The following ACTR3C variants were observed in gnomAD, a reference collection of about 807,000 sequenced individuals.
The protein encoded by ACTR3C is actin related protein 3C.
ACTR3C carries 18 observed loss-of-function variants against 26.3 expected under a neutral mutation model. The ratio of observed to expected loss-of-function variants is 0.68; its 90% CI spans 0.47 to 1.01. The LOEUF (loss-of-function observed/expected upper bound fraction) is 1.01, where lower values mean the gene tolerates loss of function less well. Among genes scored for constraint, ACTR3C ranks in the 50% least tolerant of loss-of-function variants. The pLI, the probability that ACTR3C is intolerant of heterozygous loss-of-function variation, is 0.00. For missense variants in ACTR3C, 184 were observed against 250.7 expected (o/e 0.73, Z 1.80); for synonymous variants, 55 against 94.5 (o/e 0.58, Z 2.42).
chr7:150,125,280 A>G, the ACTR3C span, among the ~76,000 whole-genome samples: 5 of 150,284 alleles, frequency 3.3e-5, no homozygotes, highest in East Asian at 7.7e-4. Flanking sequence ...TAGAAAATAT[A>G]CCATAGTTTT....
At chr7:150,310,509 TC>T (rs1454928670) in intron 1 of ACTR3C, among the ~76,000 whole-genome samples, 2 of 144,286 alleles carry the variant, frequency 1.4e-5, no homozygotes, top group African/African-American at 5.9e-5. Context: ...AATCAAATTG[TC>T]CTTCCCAACC....
At chr7:150,173,305 A>G in the ACTR3C span, among the ~76,000 whole-genome samples, 2 of 146,498 alleles carry the variant, frequency 1.4e-5, no homozygotes, top group Non-Finnish European at 2.9e-5. Flanking sequence ...ACTATTGTGC[A>G]TTTGCCGGCT....
the ACTR3C span, among the ~76,000 whole-genome samples, chr7:150,031,630 G>A: frequency 9.9e-5 from 15 of 152,166 alleles, no homozygotes; most frequent in Non-Finnish European, 1.8e-4. Flanking sequence ...TAGGGGCTGA[G>A]TGACAGGCAG....
chr7:150,037,016 C>G, the ACTR3C span, among the ~76,000 whole-genome samples: 197 of 85,760 alleles, frequency 2.3e-3, 53 homozygotes, highest in South Asian at 0.017. Context: ...GATGGGGGTA[C>G]CAACAGCCAG....
chr7:150,048,562 G>C, the ACTR3C span, among the ~76,000 whole-genome samples: 1 of 152,052 alleles, frequency 6.6e-6, no homozygotes, highest in South Asian at 2.1e-4. Flanking sequence ...CGCAGCACGC[G>C]AGCGGACGGT....
intron 6 of ACTR3C, among the ~76,000 whole-genome samples, chr7:150,273,437 C>A (rs1439286289): frequency 1.3e-5 from 2 of 151,638 alleles, no homozygotes; most frequent in Admixed American, 1.3e-4. Context: ...TCCACCACAG[C>A]TGGCTAATTT....
downstream of ACTR3C, chr7:150,245,289 AGGT>A: frequency 1.3e-5 from 2 of 152,262 alleles, no homozygotes; most frequent in Admixed American, 1.3e-4. Context: ...TAGCCATGAT[AGGT>A]TATCTTACGC....
At chr7:150,070,052 G>A in the ACTR3C span, among the ~76,000 whole-genome samples, 12 of 152,220 alleles carry the variant, frequency 7.9e-5, no homozygotes, top group South Asian at 2.1e-4. Context: ...TCTGTCACGT[G>A]GAAGGCAAGC....
the ACTR3C span, among the ~76,000 whole-genome samples, chr7:150,204,526 C>T: frequency 6.6e-6 from 1 of 151,374 alleles, no homozygotes; most frequent in African/African-American, 2.4e-5. Context: ...TCTCCAAAAG[C>T]TCCCCATGAG....
chr7:150,106,158 G>A, the ACTR3C span, among the ~76,000 whole-genome samples: 1 of 151,868 alleles, frequency 6.6e-6, no homozygotes, highest in Non-Finnish European at 1.5e-5. Flanking sequence ...TAAATCCACT[G>A]TTGTTGAGAT....
At chr7:149,962,365 T>C in the ACTR3C span, among the ~76,000 whole-genome samples, 2 of 152,050 alleles carry the variant, frequency 1.3e-5, no homozygotes, top group East Asian at 1.9e-4. Flanking sequence ...GCAAGGCTTC[T>C]TGAGGAAGAA....
chr7:149,933,760 G>A, the ACTR3C span, among the ~76,000 whole-genome samples: 3 of 151,390 alleles, frequency 2.0e-5, no homozygotes, highest in African/African-American at 7.3e-5. Context: ...TCCACTCAAC[G>A]CTAGTCAGAC....
At chr7:150,164,975 C>T in the ACTR3C span, among the ~76,000 whole-genome samples, 1 of 152,184 alleles carries the variant, frequency 6.6e-6, no homozygotes, top group Non-Finnish European at 1.5e-5. Flanking sequence ...GGGGCCCCCT[C>T]TGTGGCGGAT....
downstream of ACTR3C, among the ~76,000 whole-genome samples, chr7:150,239,685 T>C (rs1832076435): frequency 6.7e-6 from 1 of 149,262 alleles, no homozygotes; most frequent in Non-Finnish European, 1.5e-5. Flanking sequence ...GTCTCCTTAA[T>C]GATTCTTCAA....
the ACTR3C span, among the ~76,000 whole-genome samples, chr7:149,948,969 T>C: frequency 6.6e-6 from 1 of 150,770 alleles, no homozygotes; most frequent in Non-Finnish European, 1.5e-5. Context: ...CTGCTTTTGT[T>C]TCCTTCATTT....
the ACTR3C span, among the ~76,000 whole-genome samples, chr7:149,986,731 G>T: frequency 6.6e-6 from 1 of 151,844 alleles, no homozygotes; most frequent in Non-Finnish European, 1.5e-5. Flanking sequence ...CCACCCATTG[G>T]TAGCCTGAAA....
At chr7:149,992,248 A>G in the ACTR3C span, among the ~76,000 whole-genome samples, 3 of 152,238 alleles carry the variant, frequency 2.0e-5, no homozygotes, top group African/African-American at 7.2e-5. Context: ...CACCAAATAA[A>G]TACACGGTAG....
chr7:149,931,198 C>T, the ACTR3C span, among the ~76,000 whole-genome samples: 1 of 152,224 alleles, frequency 6.6e-6, no homozygotes, highest in South Asian at 2.1e-4. Flanking sequence ...ACATACTGTG[C>T]TCCCACACTG....
chr7:149,882,605 G>C, the ACTR3C span, among the ~76,000 whole-genome samples: 1 of 152,224 alleles, frequency 6.6e-6, no homozygotes, highest in East Asian at 1.9e-4. Context: ...TGAGGACCGT[G>C]TTCCTCCCAG....
Sources: allele counts gnomAD v4.1 joint callset (sites outside exome capture counted in the v4.1 genomes callset), GRCh38; gene constraint gnomAD v4.1.1; transcripts MANE v1.5; gene names NCBI Gene and HGNC (gene_info 2026-07-23, HGNC 2026-07-21).